The following TMEM178B variants were observed in gnomAD, a reference collection of about 807,000 sequenced individuals.
The protein encoded by TMEM178B is transmembrane protein 178B.
TMEM178B carries 5 observed loss-of-function variants against 31.0 expected under a neutral mutation model. That is an observed-to-expected ratio of 0.16 (90% CI 0.08 to 0.34). TMEM178B has a LOEUF of 0.34. Among genes scored for constraint, TMEM178B ranks in the 10% least tolerant of loss-of-function variants. TMEM178B has a pLI of 1.00. For synonymous variants in TMEM178B, 164 were observed against 164.0 expected (o/e 1.00, Z 0.00); for missense variants, 275 against 400.3 (o/e 0.69, Z 2.67).
the TMEM178B span, among the ~76,000 whole-genome samples, chr7:141,501,996 C>T: frequency 6.6e-6 from 1 of 152,154 alleles, no homozygotes; most frequent in African/African-American, 2.4e-5. Context: ...TCACCTTGTA[C>T]CTTCAAAGCT....
chr7:141,277,159 T>A (rs1798279644), intron 2 of TMEM178B, among the ~76,000 whole-genome samples: 1 of 152,220 alleles, frequency 6.6e-6, no homozygotes, highest in African/African-American at 2.4e-5. Flanking sequence ...CTTTACTGTA[T>A]AAAGCTTTTA....
At chr7:141,157,732 C>A (rs966870774) in intron 1 of TMEM178B, among the ~76,000 whole-genome samples, 1 of 152,166 alleles carries the variant, frequency 6.6e-6, no homozygotes, top group Admixed American at 6.5e-5. Flanking sequence ...GAGTTCCGAG[C>A]GAGGTAACAG....
intron 1 of TMEM178B, among the ~76,000 whole-genome samples, chr7:141,199,874 A>C (rs1315700411): frequency 6.6e-6 from 1 of 151,980 alleles, no homozygotes; most frequent in Non-Finnish European, 1.5e-5. Context: ...ACACGGTGAA[A>C]CCCCATCTCT....
chr7:141,380,930 A>G (rs1458828337), intron 2 of TMEM178B, among the ~76,000 whole-genome samples: 1 of 152,210 alleles, frequency 6.6e-6, no homozygotes, highest in Admixed American at 6.5e-5. Flanking sequence ...AGCAGACCTA[A>G]CTGGGGATTA....
At chr7:141,257,351 C>T (rs1797944021) in intron 2 of TMEM178B, among the ~76,000 whole-genome samples, 1 of 152,174 alleles carries the variant, frequency 6.6e-6, no homozygotes, top group African/African-American at 2.4e-5. Flanking sequence ...TCCAAGCTGT[C>T]CTCCTAATAG....
chr7:141,438,484 TG>T (rs1472388867), intron 3 of TMEM178B, among the ~76,000 whole-genome samples: 1 of 151,546 alleles, frequency 6.6e-6, no homozygotes, highest in East Asian at 1.9e-4. Context: ...AGTTGACCAC[TG>T]GGTATGTCCA....
chr7:141,271,996 G>A (rs1233884304), intron 2 of TMEM178B, among the ~76,000 whole-genome samples: 2 of 151,966 alleles, frequency 1.3e-5, no homozygotes, highest in African/African-American at 4.8e-5. Context: ...CCATTGCTTG[G>A]GCCTCCTTCT....
intron 1 of TMEM178B, among the ~76,000 whole-genome samples, chr7:141,186,989 G>A (rs1344302251): frequency 1.3e-5 from 2 of 151,848 alleles, no homozygotes; most frequent in Admixed American, 6.6e-5. Context: ...TGTGCACAAC[G>A]TGCAGGTTTG....
chr7:141,115,283 C>CAT lies in TMEM178B; in HGVS notation c.382+40592_382+40593insTA, dbSNP rs76298594. 6.6e-5 allele frequency among the ~76,000 whole-genome samples: 6 copies of CAT among 90,516 alleles called. No individual in the cohort carries two copies. The East Asian group carries it at 3.5e-3, about 52-fold the overall frequency. 59.4% of individuals were successfully genotyped at this position (90,516 alleles called of 152,430 possible). ...TTTGAACTCCTGACCTCAGGTGATT[C>CAT]ACCCAACCTGGCCTCCCAAAGTGCT... On this transcript the variant is annotated intron_variant, in intron 1 of 3. Transcript: ENST00000565468.
chr7:141,333,494 A>G (rs1676107142), intron 2 of TMEM178B, among the ~76,000 whole-genome samples: 1 of 152,218 alleles, frequency 6.6e-6, no homozygotes. Flanking sequence ...CATGCAGAAT[A>G]TGATTGCCCA....
At position 141,283,733 on chromosome 7, in the gene TMEM178B, C is replaced by T. The variant is rs532640930; in HGVS notation, c.496+71029C>T. ...CTGGAGTCAGGGGTGAGGGGAGGAC[C>T]GCATGACAGTTGGTTAATATACACT... is the stretch of plus-strand genomic sequence containing the variant. On this transcript the variant is annotated intron_variant, in intron 2 of 3. Coordinates refer to ENST00000565468, the MANE Select transcript of TMEM178B (RefSeq NM_001195278.2). Among the ~76,000 whole-genome samples the T allele has an allele frequency of 9.2e-5, 14 of 152,210 alleles. No homozygotes were observed. The South Asian group carries it at 1.9e-3, about 20-fold the overall frequency.
At chr7:141,363,985 G>GA (rs905727396) in intron 2 of TMEM178B, among the ~76,000 whole-genome samples, 20 of 147,670 alleles carry the variant, frequency 1.4e-4, no homozygotes, top group Admixed American at 6.1e-4. Context: ...ATTTAAAATT[G>GA]AAAAAAAAAT....
chr7:141,204,245 T>G (rs373848965), intron 1 of TMEM178B, among the ~76,000 whole-genome samples: 1 of 152,290 alleles, frequency 6.6e-6, no homozygotes, highest in East Asian at 1.9e-4. Flanking sequence ...GTGACTACTG[T>G]GAGCGTCAGG....
chr7:141,201,756 A>C (rs6964666), intron 1 of TMEM178B, among the ~76,000 whole-genome samples: 9,736 of 152,202 alleles, frequency 0.064, 952 homozygotes, highest in African/African-American at 0.21. Context: ...TGTGTTACTG[A>C]GGAGCTATCT....
At chr7:141,237,947 T>A (rs955724919) in intron 2 of TMEM178B, among the ~76,000 whole-genome samples, 39 of 148,346 alleles carry the variant, frequency 2.6e-4, no homozygotes, top group African/African-American at 9.8e-4. Context: ...CGCTTGAACC[T>A]GGGGGAGCTG....
At chr7:141,178,653 C>G (rs573019122) in intron 1 of TMEM178B, among the ~76,000 whole-genome samples, 1 of 152,280 alleles carries the variant, frequency 6.6e-6, no homozygotes, top group East Asian at 1.9e-4. Flanking sequence ...GTCAAGTATT[C>G]TGTTTTGCTG....
chr7:141,212,746 G>A (rs1283500109), intron 2 of TMEM178B, 42 bp downstream of exon 2: 5 of 1,464,472 alleles, frequency 3.4e-6, no homozygotes, highest in Admixed American at 2.0e-5. Flanking sequence ...TGTGCTGTGA[G>A]GTCCCCTTTG....
downstream of TMEM178B, among the ~76,000 whole-genome samples, chr7:141,485,249 ACTT>A (rs1377026957): frequency 6.6e-6 from 1 of 152,154 alleles, no homozygotes; most frequent in African/African-American, 2.4e-5. Flanking sequence ...CCTCATTGTC[ACTT>A]CTTTTGTGTT....
intron 1 of TMEM178B, among the ~76,000 whole-genome samples, chr7:141,116,430 C>T (rs1285308875): frequency 1.3e-5 from 2 of 152,088 alleles, no homozygotes; most frequent in African/African-American, 4.8e-5. Flanking sequence ...ATGTTTAGTT[C>T]ATTTAGGGAG....
Sources: allele counts gnomAD v4.1 joint callset (sites outside exome capture counted in the v4.1 genomes callset), GRCh38; gene constraint gnomAD v4.1.1; transcripts MANE v1.5; gene names NCBI Gene and HGNC (gene_info 2026-07-23, HGNC 2026-07-21).